Variants in ADGRD2 observed in about 807,000 individuals in gnomAD.
The protein encoded by ADGRD2 is adhesion G protein-coupled receptor D2.
In ADGRD2, 71 loss-of-function variants were observed where a neutral mutation model predicts 44.4. That is an observed-to-expected ratio of 1.60 (90% confidence interval 1.32 to 1.95). ADGRD2 has a LOEUF of 1.95. Ranked by LOEUF, ADGRD2 falls within the 30% of genes most tolerant of loss-of-function variation. ADGRD2 has a pLI of 0.00. For synonymous variants in ADGRD2, 481 were observed against 224.8 expected (o/e 2.14, Z -10.19); for missense variants, 1,039 against 512.4 (o/e 2.03, Z -9.92).
rs944684481 is a variant in ADGRD2, at chr9:124,452,583, G to A, written c.144G>A (p.Trp48Ter). ...AGTTCTCTGGACAGCGACTGAGCTGGTGGCAGGCCCAAGAGTCCTGCGAGC... is the reference window on the plus strand; with the variant it reads ...AGTTCTCTGGACAGCGACTGAGCTGATGGCAGGCCCAAGAGTCCTGCGAGC... Residue 48 changes from tryptophan (W) to a stop codon, truncating the protein, a stop_gained, in exon 2 of 22, where the codon TGG becomes TGA. Transcript: ENST00000334810. LOFTEE classifies it high-confidence loss of function. 3 of 718,452 alleles carry A rather than the reference G, an allele frequency of 4.2e-6. No homozygotes were observed. Among genetic ancestry groups the A allele is most frequent in the South Asian group, 3.0e-5 (2 of 67,612 alleles). 44.5% of individuals were successfully genotyped at this position (718,452 alleles called of 1,614,324 possible).
chr9:124,456,570 C>A, intron 6 of ADGRD2, 52 bp from the exon 10 acceptor site: 2 of 714,370 alleles, frequency 2.8e-6, no homozygotes, highest in South Asian at 1.5e-5. Flanking sequence ...TCAGGGCAGG[C>A]GGCAGTGGGG....
At chr9:124,458,169 A>G (rs1165429029) in exon 9 of ADGRD2, 2 of 718,166 alleles carry the variant, frequency 2.8e-6, no homozygotes, top group African/African-American at 3.5e-5. Flanking sequence ...CTTCCAGCAC[A>G]CCCTAGAGGG....
At chr9:124,466,352 C>T (rs757613655) in exon 11 of ADGRD2, 20 of 717,636 alleles carry the variant, frequency 2.8e-5, no homozygotes, top group Non-Finnish European at 4.2e-5. Flanking sequence ...CTGGACTCCA[C>T]CGCCTGCTTC....
Position 124,454,512 on chromosome 9 carries a change from G to T in ADGRD2, c.1053G>T (p.Gln351His). ...CCTATCGTCGGCTGCAGGATGCCCA[G>T]TCGTGGCCTGGCCAGGATGTTATCA... The change falls in exon 5 of 22, where the codon CAG (glutamine) becomes CAT (histidine). Residue 351 changes from glutamine to histidine, a missense_variant. Physicochemically the swap from Gln to His is conservative, Grantham distance 24. Transcript: ENST00000334810. The surrounding 1 kb of genome is among the most constrained non-coding windows in gnomAD (Gnocchi z 4.5). 1 of 716,558 alleles carries T rather than the reference G, an allele frequency of 1.4e-6. No individual in the cohort carries two copies. The highest frequency in any genetic ancestry group is 2.6e-6 in the Non-Finnish European group (1 of 383,632). The allele number at this position is 716,558 out of a possible 1,614,324, so 44.4% of individuals were successfully genotyped here. A position where few individuals can be genotyped will look rare whatever the true frequency, so the allele number is the denominator to read the frequency against.
chr9:124,464,413 G>A (rs7859615), intron 10 of ADGRD2, among the ~76,000 whole-genome samples: 4,510 of 152,256 alleles, frequency 0.03, 172 homozygotes, highest in African/African-American at 0.091. Context: ...ATGGCGCTGC[G>A]TAATCTCGAG....
At chr9:124,452,249 G>A (rs950653479) in intron 1 of ADGRD2, 95 bp downstream of exon 4, 10 of 640,402 alleles carry the variant, frequency 1.6e-5, no homozygotes, top group Admixed American at 1.5e-4. Flanking sequence ...GCAAAGGAGG[G>A]GAAGAGTAAC....
At chr9:124,476,771 C>G in intron 21 of ADGRD2, 62 bp downstream of exon 24, 1 of 678,622 alleles carries the variant, frequency 1.5e-6, no homozygotes, top group Non-Finnish European at 2.7e-6. Flanking sequence ...CCCCTAAGCC[C>G]CCCGTACCAG....
chr9:124,477,279 G>T lies in ADGRD2; in HGVS notation c.*18+570G>T, dbSNP rs533326585. Among the ~76,000 whole-genome samples, 90 of 152,308 alleles carry T rather than the reference G, an allele frequency of 5.9e-4. 1 individual carries two copies. In the South Asian group the frequency reaches 0.018, roughly 31 times the overall value. Reference sequence around the variant, plus strand: ...CTCAGGGAGAGGACTGAAGCCTGGGGAGCTCAGCCGGGCCCAGGGGAGCCA... The same window carrying T: ...CTCAGGGAGAGGACTGAAGCCTGGGTAGCTCAGCCGGGCCCAGGGGAGCCA... On this transcript the variant is annotated intron_variant, in intron 21 of 21. Coordinates refer to ENST00000334810, the Ensembl canonical transcript of ADGRD2.
intron 17 of ADGRD2, among the ~76,000 whole-genome samples, chr9:124,475,103 G>A (rs142245888): frequency 1.3e-5 from 2 of 152,336 alleles, no homozygotes; most frequent in African/African-American, 4.8e-5. Context: ...AGGAAGGTGT[G>A]CCCCTCCCAA....
exon 3 of ADGRD2, chr9:124,453,051 C>G: frequency 1.5e-6 from 1 of 672,996 alleles, no homozygotes; most frequent in Non-Finnish European, 2.7e-6. Flanking sequence ...GCACCACCGC[C>G]GTGCTGGTGT....
chr9:124,451,326 C>T (rs1170394059), upstream of ADGRD2: 28 of 422,624 alleles, frequency 6.6e-5, no homozygotes, highest in South Asian at 3.4e-4. Flanking sequence ...TCTGTTTCGC[C>T]CCTCTCTGGC....
Position 124,469,563 on chromosome 9 carries a change from G to C in ADGRD2, c.2637+16G>C, listed in dbSNP as rs1401124808. Reference sequence around the variant, plus strand: ...CCCAGATATGGTGAGGCCCCAGAATGGGGGGCCAGCAGGAAGCAGGAAGTG... The same window carrying C: ...CCCAGATATGGTGAGGCCCCAGAATCGGGGGCCAGCAGGAAGCAGGAAGTG... On this transcript the variant is annotated intron_variant, in intron 16 of 21. Coordinates refer to ENST00000334810, the Ensembl canonical transcript of ADGRD2. 1.4e-6 allele frequency: 1 copy of C among 717,206 alleles called. No individual in the cohort carries two copies. The highest frequency in any genetic ancestry group is 1.5e-5 in the South Asian group (1 of 67,536). 44.4% of individuals were successfully genotyped at this position (717,206 alleles called of 1,614,324 possible). A position where few individuals can be genotyped will look rare whatever the true frequency, so the allele number is the denominator to read the frequency against.
chr9:124,459,616 A>G (rs1831690202), intron 10 of ADGRD2, among the ~76,000 whole-genome samples: 1 of 152,168 alleles, frequency 6.6e-6, no homozygotes, highest in African/African-American at 2.4e-5. Flanking sequence ...TGTACTGAAC[A>G]TCTATAGACT....
intron 1 of ADGRD2, 126 bp downstream of exon 4, chr9:124,452,280 T>C: frequency 1.6e-6 from 1 of 635,930 alleles, no homozygotes; most frequent in East Asian, 2.7e-5. Flanking sequence ...ACCCCCACCA[T>C]ACCAGGCCCT....
intron 10 of ADGRD2, among the ~76,000 whole-genome samples, chr9:124,462,986 G>C (rs10818972): frequency 0.69 from 102,411 of 149,234 alleles, 35,224 homozygotes; most frequent in African/African-American, 0.79. Flanking sequence ...CCTCCCTTTT[G>C]TTTCTTTCTT....
upstream of ADGRD2, chr9:124,452,000 CCCCT>C: frequency 1.2e-5 from 4 of 322,334 alleles, no homozygotes; most frequent in Non-Finnish European, 1.2e-5. Flanking sequence ...ACTGAATGCC[CCCCT>C]CCCACCCACC....
intron 10 of ADGRD2, chr9:124,465,943 G>A (rs1447920173): frequency 2.3e-5 from 5 of 219,184 alleles, no homozygotes; most frequent in Non-Finnish European, 3.6e-5. Context: ...ACTCTTGAAG[G>A]AGCAGAGCAG....
exon 6 of ADGRD2, chr9:124,455,122 C>A (rs540077227): frequency 4.3e-6 from 3 of 700,374 alleles, no homozygotes; most frequent in Non-Finnish European, 8.0e-6. Flanking sequence ...GCTCTCCCTC[C>A]GTGAAGTGAG....
At chr9:124,456,639 G>A (rs763760866) in exon 7 of ADGRD2, 3 of 717,952 alleles carry the variant, frequency 4.2e-6, no homozygotes. Flanking sequence ...GTGGGCCTAT[G>A]GCCCTGGTGG....
Sources: allele counts gnomAD v4.1 joint callset (sites outside exome capture counted in the v4.1 genomes callset), GRCh38; gene constraint gnomAD v4.1.1; non-coding constraint Gnocchi (gnomAD v3.1); transcripts MANE v1.5; gene names NCBI Gene and HGNC (gene_info 2026-07-23, HGNC 2026-07-21).